Variants in NAALADL2 observed in about 807,000 individuals in gnomAD.
NAALADL2 encodes N-acetylated alpha-linked acidic dipeptidase like 2.
In NAALADL2, 76 loss-of-function variants were observed where a neutral mutation model predicts 87.2. The observed-to-expected ratio is 0.87, with a 90% CI of 0.72 to 1.05. NAALADL2 has a LOEUF of 1.05. Among genes scored for constraint, NAALADL2 ranks in the 50% least tolerant of loss-of-function variants. The pLI is 0.00. For synonymous variants in NAALADL2, 354 were observed against 331.0 expected (o/e 1.07, Z -0.75); for missense variants, 1,089 against 945.8 (o/e 1.15, Z -1.99).
chr3:174,569,908 G>A (rs139071048), intron 2 of NAALADL2, among the ~76,000 whole-genome samples: 2 of 152,106 alleles, frequency 1.3e-5, no homozygotes, highest in East Asian at 1.9e-4. Flanking sequence ...ACAACTCAGG[G>A]CCTGCACTGT....
At chr3:175,706,191 G>A (rs759826009) in intron 11 of NAALADL2, among the ~76,000 whole-genome samples, 5 of 152,010 alleles carry the variant, frequency 3.3e-5, no homozygotes, top group African/African-American at 1.2e-4. Flanking sequence ...TTGCCCATTC[G>A]AATCATATCT....
intron 1 of NAALADL2, among the ~76,000 whole-genome samples, chr3:174,930,454 C>G (rs1225966976): frequency 6.6e-6 from 1 of 151,238 alleles, no homozygotes; most frequent in Non-Finnish European, 1.5e-5. Context: ...GAATATTAAT[C>G]AAAACTTATT....
intron 1 of NAALADL2, among the ~76,000 whole-genome samples, chr3:174,983,117 C>A (rs915160773): frequency 1.3e-5 from 2 of 151,978 alleles, no homozygotes; most frequent in Non-Finnish European, 2.9e-5. Flanking sequence ...TTTATTACTC[C>A]TAGTTTCCAA....
At chr3:175,794,825 T>A (rs181852474) in intron 13 of NAALADL2, among the ~76,000 whole-genome samples, 23 of 152,366 alleles carry the variant, frequency 1.5e-4, no homozygotes, top group Non-Finnish European at 2.9e-4. Context: ...CATAGTCAAC[T>A]CAGGCTGCCT....
intron 1 of NAALADL2, among the ~76,000 whole-genome samples, chr3:174,464,882 C>G (rs1266610013): frequency 6.6e-6 from 1 of 151,850 alleles, no homozygotes; most frequent in South Asian, 2.1e-4. Flanking sequence ...ATTTTCCTTC[C>G]TCTAATAATT....
intron 9 of NAALADL2, among the ~76,000 whole-genome samples, chr3:175,485,271 T>G (rs1560630671): frequency 6.6e-6 from 1 of 152,112 alleles, no homozygotes; most frequent in Admixed American, 6.6e-5. Context: ...GGTAATTAGC[T>G]CATGATGGTG....
rs751445964 is a variant in NAALADL2, at chr3:175,360,818, GTGTGTGTA to G, written c.1090+36501_1090+36508del. On this transcript the variant is annotated intron_variant, in intron 5 of 13. Coordinates refer to ENST00000454872, the MANE Select transcript of NAALADL2 (RefSeq NM_207015.3). ...GGCTGAGTAATATTCCACTGTGTGT[GTGTGTGTA>G]TGTGTGTGTGTGTGTGTGTGTGTAT... Among the ~76,000 whole-genome samples the G allele has an allele frequency of 8.1e-3, 826 of 101,750 alleles. 10 individuals are homozygous for G. The highest frequency in any genetic ancestry group is 0.027 in the African/African-American group (642 of 23,902). The allele number at this position is 101,750 out of a possible 152,430, so 66.8% of individuals were successfully genotyped here.
chr3:174,761,433 T>G (rs968687859), intron 3 of NAALADL2, among the ~76,000 whole-genome samples: 1 of 152,262 alleles, frequency 6.6e-6, no homozygotes, highest in East Asian at 1.9e-4. Context: ...AATAGTATAT[T>G]AACTCCATAT....
chr3:175,045,273 A>T (rs186848412), intron 1 of NAALADL2, among the ~76,000 whole-genome samples: 123 of 152,272 alleles, frequency 8.1e-4, no homozygotes, highest in Middle Eastern at 6.8e-3. Flanking sequence ...GAAGACATGA[A>T]TGTCCTTTTC....
chr3:174,561,780 A>T (rs903760526), intron 2 of NAALADL2, among the ~76,000 whole-genome samples: 1 of 152,200 alleles, frequency 6.6e-6, no homozygotes, highest in African/African-American at 2.4e-5. Context: ...AATGTGTTCA[A>T]TTACTTTTAC....
intron 8 of NAALADL2, among the ~76,000 whole-genome samples, chr3:175,470,139 TC>T (rs1251702034): frequency 2.0e-5 from 3 of 152,080 alleles, no homozygotes; most frequent in Non-Finnish European, 2.9e-5. Context: ...GAGATAAGTT[TC>T]TTGTTTTTCA....
intron 9 of NAALADL2, among the ~76,000 whole-genome samples, chr3:175,502,672 A>G (rs536487652): frequency 4.0e-5 from 6 of 149,558 alleles, no homozygotes; most frequent in South Asian, 4.2e-4. Context: ...TCAATTCGTT[A>G]TAATAAATGT....
intron 3 of NAALADL2, among the ~76,000 whole-genome samples, chr3:175,241,309 C>T (rs921321438): frequency 6.6e-6 from 1 of 152,122 alleles, no homozygotes; most frequent in Non-Finnish European, 1.5e-5. Context: ...TAACCTCTGC[C>T]TCCCTGCTTC....
At position 175,113,261 on chromosome 3, in the gene NAALADL2, T is replaced by C. The variant is rs555418874; in HGVS notation, c.545+15970T>C. ...GAGCTGGTTACAGGTGTCCCTTTCG[T>C]AGTAGCCACTTCATAAATATTCATC... On this transcript the variant is annotated intron_variant, in intron 2 of 13. Coordinates refer to ENST00000454872, the MANE Select transcript of NAALADL2 (RefSeq NM_207015.3). Among the ~76,000 whole-genome samples, 5 of 151,616 alleles carry C rather than the reference T, an allele frequency of 3.3e-5. No individual in the cohort carries two copies. The East Asian group carries it at 9.7e-4, about 29-fold the overall frequency.
intron 11 of NAALADL2, among the ~76,000 whole-genome samples, chr3:175,689,475 T>C (rs1054707858): frequency 6.6e-6 from 1 of 152,270 alleles, no homozygotes; most frequent in Middle Eastern, 3.4e-3. Context: ...ATTCCTATAA[T>C]TGATGAAAGA....
chr3:174,687,325 GACTC>G (rs1255949766), intron 2 of NAALADL2, among the ~76,000 whole-genome samples: 1 of 152,016 alleles, frequency 6.6e-6, no homozygotes, highest in Non-Finnish European at 1.5e-5. Context: ...ATTCAAAAGT[GACTC>G]ACAACCCTAC....
intron 2 of NAALADL2, among the ~76,000 whole-genome samples, chr3:175,102,126 C>G (rs1358307767): frequency 6.6e-6 from 1 of 152,122 alleles, no homozygotes; most frequent in African/African-American, 2.4e-5. Context: ...AAAATACTGC[C>G]TGGTATTCCA....
At chr3:174,545,137 C>A (rs903374432) in intron 1 of NAALADL2, among the ~76,000 whole-genome samples, 1 of 152,102 alleles carries the variant, frequency 6.6e-6, no homozygotes. Context: ...TCTTGGCCTC[C>A]TAAATGTTGG....
chr3:174,763,077 G>A (rs1713259335), intron 3 of NAALADL2, among the ~76,000 whole-genome samples: 1 of 151,864 alleles, frequency 6.6e-6, no homozygotes, highest in Non-Finnish European at 1.5e-5. Context: ...TCCTAGTTGT[G>A]TTTGAGTTAC....
Sources: allele counts gnomAD v4.1 joint callset (sites outside exome capture counted in the v4.1 genomes callset), GRCh38; gene constraint gnomAD v4.1.1; transcripts MANE v1.5; gene names NCBI Gene and HGNC (gene_info 2026-07-23, HGNC 2026-07-21).